The following SLC25A21 variants were observed in gnomAD, a reference collection of about 807,000 sequenced individuals.
The protein encoded by SLC25A21 is mitochondrial 2-oxodicarboxylate carrier.
Under a neutral mutation model 43.8 loss-of-function variants are expected in SLC25A21, and 47 were observed. The ratio of observed to expected loss-of-function variants is 1.07; its 90% confidence interval spans 0.85 to 1.37. The LOEUF (loss-of-function observed/expected upper bound fraction) is 1.37, where lower values mean the gene tolerates loss of function less well. Ranked by LOEUF, SLC25A21 falls within the 40% of genes most tolerant of loss-of-function variation. The pLI, the probability that SLC25A21 is intolerant of heterozygous loss-of-function variation, is 0.00. For missense variants in SLC25A21, 352 were observed against 350.2 expected (o/e 1.00, Z -0.04); for synonymous variants, 131 against 121.3 (o/e 1.08, Z -0.52).
intron 1 of SLC25A21, among the ~76,000 whole-genome samples, chr14:36,893,895 A>T (rs1469490588): frequency 6.6e-6 from 1 of 151,972 alleles, no homozygotes; most frequent in African/African-American, 2.4e-5. Context: ...TTCCATTGGT[A>T]TATATCTCTG....
intron 1 of SLC25A21, among the ~76,000 whole-genome samples, chr14:37,123,812 C>T (rs1963251992): frequency 6.6e-6 from 1 of 151,954 alleles, no homozygotes; most frequent in Non-Finnish European, 1.5e-5. Flanking sequence ...TTTGAGCTCC[C>T]TAGGAGTCTG....
intron 1 of SLC25A21, among the ~76,000 whole-genome samples, chr14:36,893,187 T>C (rs1029438326): frequency 3.3e-5 from 5 of 152,180 alleles, no homozygotes; most frequent in African/African-American, 1.2e-4. Context: ...TGTTCCTATT[T>C]CTCCACATCC....
At chr14:37,116,290 A>C (rs542530715) in intron 1 of SLC25A21, among the ~76,000 whole-genome samples, 2 of 152,166 alleles carry the variant, frequency 1.3e-5, no homozygotes, top group Non-Finnish European at 2.9e-5. Context: ...CCGGGTAGAT[A>C]ATCTTTCACT....
chr14:36,982,980 T>C (rs1185136945), intron 1 of SLC25A21, among the ~76,000 whole-genome samples: 3 of 152,238 alleles, frequency 2.0e-5, no homozygotes, highest in Non-Finnish European at 4.4e-5. Context: ...CTTTGAGTTT[T>C]TTCAAAATAG....
At chr14:36,959,290 A>G (rs1169076955) in intron 1 of SLC25A21, among the ~76,000 whole-genome samples, 1 of 152,150 alleles carries the variant, frequency 6.6e-6, no homozygotes, top group Non-Finnish European at 1.5e-5. Context: ...TTTGACTGTT[A>G]GATCCCCATT....
chr14:36,956,480 G>A (rs1959344338), intron 1 of SLC25A21, among the ~76,000 whole-genome samples: 1 of 152,216 alleles, frequency 6.6e-6, no homozygotes. Context: ...TCAGGCCAAT[G>A]TGGTGGAATG....
chr14:36,753,245 A>T (rs932571577), intron 3 of SLC25A21, among the ~76,000 whole-genome samples: 13 of 152,200 alleles, frequency 8.5e-5, no homozygotes, highest in Non-Finnish European at 1.6e-4. Flanking sequence ...ATTATGACAT[A>T]ATAAAAAATA....
intron 2 of SLC25A21, among the ~76,000 whole-genome samples, chr14:36,854,756 T>A (rs1889847572): frequency 6.6e-6 from 1 of 152,136 alleles, no homozygotes; most frequent in African/African-American, 2.4e-5. Flanking sequence ...CTGGTTGGGA[T>A]CCTATATGAA....
At chr14:36,696,887 G>T (rs1566506223) in intron 7 of SLC25A21, among the ~76,000 whole-genome samples, 1 of 152,004 alleles carries the variant, frequency 6.6e-6, no homozygotes, top group African/African-American at 2.4e-5. Flanking sequence ...TTTTTGAAGG[G>T]TTTTTTTGTA....
chr14:36,954,179 C>A (rs1196503484), intron 1 of SLC25A21, among the ~76,000 whole-genome samples: 1 of 152,076 alleles, frequency 6.6e-6, no homozygotes, highest in African/African-American at 2.4e-5. Flanking sequence ...ATGCATCATC[C>A]CCAGTAAAAA....
At chr14:36,920,258 C>T (rs561056073) in intron 1 of SLC25A21, among the ~76,000 whole-genome samples, 5 of 152,152 alleles carry the variant, frequency 3.3e-5, no homozygotes, top group South Asian at 2.1e-4. Flanking sequence ...GCTTAGTTTA[C>T]ACTTTATATT....
At chr14:37,171,112 G>T (rs1240750032) in intron 1 of SLC25A21, among the ~76,000 whole-genome samples, 1 of 93,474 alleles carries the variant, frequency 1.1e-5, no homozygotes, top group African/African-American at 4.0e-5. Flanking sequence ...AAAGAAAAAG[G>T]GGGGAGGGGA....
At chr14:36,855,154 T>G (rs1174027858) in intron 2 of SLC25A21, among the ~76,000 whole-genome samples, 1 of 151,968 alleles carries the variant, frequency 6.6e-6, no homozygotes, top group African/African-American at 2.4e-5. Flanking sequence ...CATGGCTTGG[T>G]AGTTTGTTCT....
At chr14:36,815,689 C>A (rs1888430724) in intron 2 of SLC25A21, among the ~76,000 whole-genome samples, 1 of 152,066 alleles carries the variant, frequency 6.6e-6, no homozygotes, top group African/African-American at 2.4e-5. Flanking sequence ...AGGGTCTTAT[C>A]TTTTTGTTTT....
intron 1 of SLC25A21, among the ~76,000 whole-genome samples, chr14:37,030,153 G>A (rs2138766801): frequency 6.6e-6 from 1 of 152,244 alleles, no homozygotes; most frequent in African/African-American, 2.4e-5. Flanking sequence ...AAAAGAAAAT[G>A]TTTTTAGGAA....
chr14:37,121,654 G>C (rs569439662), intron 1 of SLC25A21, among the ~76,000 whole-genome samples: 87 of 152,098 alleles, frequency 5.7e-4, no homozygotes, highest in African/African-American at 2.1e-3. Flanking sequence ...TGGGTGTGGT[G>C]GTGGGTGCCT....
chr14:36,755,131 G>C (rs1169639038), intron 3 of SLC25A21, among the ~76,000 whole-genome samples: 1 of 152,132 alleles, frequency 6.6e-6, no homozygotes, highest in Non-Finnish European at 1.5e-5. Flanking sequence ...AAAAACCATA[G>C]TCTAAAACCA....
chr14:36,699,952 A>G (rs969598675), intron 7 of SLC25A21, among the ~76,000 whole-genome samples: 1 of 152,262 alleles, frequency 6.6e-6, no homozygotes, highest in South Asian at 2.1e-4. Context: ...CGTGGGCTGC[A>G]CCCACTGTCC....
chr14:36,792,726 T>G (rs1887533114), intron 3 of SLC25A21, among the ~76,000 whole-genome samples: 1 of 152,180 alleles, frequency 6.6e-6, no homozygotes, highest in Non-Finnish European at 1.5e-5. Context: ...TAACATTTAA[T>G]CCATCAGCTA....
Sources: gnomAD v4.1 joint callset for allele counts (sites outside exome capture counted in the v4.1 genomes callset) on GRCh38, gnomAD v4.1.1 for gene constraint, MANE v1.5 for transcripts, NCBI Gene and HGNC (gene_info 2026-07-23, HGNC 2026-07-21) for gene names.